Variants in EXT1 observed in about 807,000 individuals in gnomAD.
EXT1 encodes exostosin-1.
A neutral mutation model predicts 82.5 loss-of-function variants in EXT1; 20 were observed. The ratio of observed to expected loss-of-function variants is 0.24; its 90% CI spans 0.17 to 0.35. The LOEUF is 0.35. Ranked by LOEUF, EXT1 falls within the 10% of genes least tolerant of loss-of-function variation. EXT1 has a pLI of 1.00. For synonymous variants in EXT1, 348 were observed against 350.8 expected, an observed-to-expected ratio of 0.99 and a Z score of 0.09; for missense variants, 757 against 936.5, an observed-to-expected ratio of 0.81 and a Z score of 2.50.
At chr8:117,980,677 T>G (rs1815171537) in intron 1 of EXT1, among the ~76,000 whole-genome samples, 1 of 149,814 alleles carries the variant, frequency 6.7e-6, no homozygotes, top group Non-Finnish European at 1.5e-5. Flanking sequence ...GAGGGAAGGT[T>G]TGTTTGTTCG....
intron 1 of EXT1, among the ~76,000 whole-genome samples, chr8:117,925,598 G>T (rs979889107): frequency 5.9e-5 from 9 of 151,306 alleles, no homozygotes; most frequent in African/African-American, 2.2e-4. Flanking sequence ...GCCAGGTGTG[G>T]TGGCTCACAC....
chr8:117,809,218 AAT>A (rs71307404), intron 8 of EXT1, among the ~76,000 whole-genome samples: 24,718 of 107,872 alleles, frequency 0.23, 3,096 homozygotes, highest in African/African-American at 0.29. Context: ...TGTGTGTATA[AAT>A]ATATATATAT....
chr8:118,044,458 A>G (rs1816586954), intron 1 of EXT1, among the ~76,000 whole-genome samples: 1 of 151,614 alleles, frequency 6.6e-6, no homozygotes, highest in Non-Finnish European at 1.5e-5. Flanking sequence ...CCCAGGCTGG[A>G]GTGCAATGGC....
chr8:117,834,768 T>C (rs923175101), intron 3 of EXT1, among the ~76,000 whole-genome samples: 24 of 152,168 alleles, frequency 1.6e-4, no homozygotes, highest in Non-Finnish European at 2.5e-4. Flanking sequence ...ATTAAAGTTC[T>C]AGAATTTTAG....
At chr8:117,980,694 GGTGGTTTTT>G (rs1321403675) in intron 1 of EXT1, among the ~76,000 whole-genome samples, 31 of 123,392 alleles carry the variant, frequency 2.5e-4, no homozygotes, top group African/African-American at 4.5e-4. Context: ...TTCGGGTGTT[GGTGGTTTTT>G]TTTTTTTTTT....
chr8:118,098,784 A>G (rs1817666217), intron 1 of EXT1, among the ~76,000 whole-genome samples: 1 of 150,710 alleles, frequency 6.6e-6, no homozygotes, highest in Non-Finnish European at 1.5e-5. Context: ...AAGAATAGCT[A>G]GCACTACAGG....
chr8:117,928,851 C>T (rs112728351), intron 1 of EXT1, among the ~76,000 whole-genome samples: 26 of 151,754 alleles, frequency 1.7e-4, no homozygotes, highest in Non-Finnish European at 2.5e-4. Context: ...CATTTCCTTA[C>T]GGAGCAAGTA....
chr8:118,037,200 T>C (rs1278947166), intron 1 of EXT1, among the ~76,000 whole-genome samples: 1 of 152,158 alleles, frequency 6.6e-6, no homozygotes, highest in Non-Finnish European at 1.5e-5. Flanking sequence ...AAGTAAAATG[T>C]CTGTGGGAAA....
At chr8:117,800,252 T>A (rs1257388204) in intron 10 of EXT1, among the ~76,000 whole-genome samples, 6 of 152,212 alleles carry the variant, frequency 3.9e-5, no homozygotes, top group Non-Finnish European at 2.9e-5. Flanking sequence ...AGTACTAAGA[T>A]TAAAGATGTG....
chr8:118,091,726 C>G (rs538773208), intron 1 of EXT1, among the ~76,000 whole-genome samples: 5 of 152,134 alleles, frequency 3.3e-5, no homozygotes, highest in Non-Finnish European at 7.3e-5. Context: ...GCCTGGGCGA[C>G]AGAGCGAGAC....
intron 1 of EXT1, among the ~76,000 whole-genome samples, chr8:117,950,605 A>G (rs936581556): frequency 1.3e-5 from 2 of 152,248 alleles, no homozygotes; most frequent in African/African-American, 4.8e-5. Context: ...TCTTCTGCCA[A>G]TATCAGGGTC....
Position 117,794,753 on chromosome 8 carries a change from G to C in EXT1, c.*4959C>G, listed in dbSNP as rs545103207. The C allele has an allele frequency of 1.2e-4, 18 of 152,314 alleles. No individual in the cohort carries two copies. Among genetic ancestry groups the C allele is most frequent in the African/African-American group, 3.6e-4 (15 of 41,576 alleles). The allele number at this position is 152,314 out of a possible 1,614,324, so 9.4% of individuals were successfully genotyped here. ...GGGAAAAACACTTCAGAAAAGACCT[G>C]TGGTGACACTACAAAAACATTGGCA... On this transcript the variant is annotated 3_prime_UTR_variant, in exon 11 of 11. Coordinates refer to ENST00000378204, the MANE Select transcript of EXT1 (RefSeq NM_000127.3).
intron 1 of EXT1, among the ~76,000 whole-genome samples, chr8:118,056,675 TG>T (rs975302394): frequency 2.0e-5 from 3 of 152,192 alleles, no homozygotes; most frequent in African/African-American, 7.2e-5. Flanking sequence ...AGCCTAGTGC[TG>T]GGGGGTCCTC....
rs145028080 is a variant in EXT1, at chr8:118,096,596, A to AAAGG, written c.962+13485_962+13488dup. On this transcript the variant is annotated intron_variant, in intron 1 of 10. Transcript: ENST00000378204. ...GGCGACAGAGCAAGACTCCGTCAAGAAAGGAAGGAAGGAAGGAAGGAAGGA... is the reference window on the plus strand; with the variant it reads ...GGCGACAGAGCAAGACTCCGTCAAGAAAGGAAGGAAGGAAGGAAGGAAGGAAGGA... Among the ~76,000 whole-genome samples, 60 of 119,152 alleles carry AAAGG rather than the reference A, an allele frequency of 5.0e-4. 7 individuals are homozygous for AAAGG. The highest frequency in any genetic ancestry group is 4.3e-3 in the Middle Eastern group (1 of 232). 78.2% of individuals were successfully genotyped at this position (119,152 alleles called of 152,430 possible).
intron 1 of EXT1, among the ~76,000 whole-genome samples, chr8:117,847,606 G>A (rs377134213): frequency 2.0e-5 from 3 of 152,066 alleles, no homozygotes; most frequent in African/African-American, 7.2e-5. Context: ...CCTCCTCATG[G>A]CTTCTGCAAT....
chr8:117,813,775 G>A (rs1055222026), intron 7 of EXT1, among the ~76,000 whole-genome samples: 3 of 152,124 alleles, frequency 2.0e-5, no homozygotes, highest in South Asian at 2.1e-4. Flanking sequence ...GGAGGCTGAG[G>A]TGGGTGGATC....
intron 1 of EXT1, among the ~76,000 whole-genome samples, chr8:118,109,066 T>G (rs765213600): frequency 2.0e-5 from 3 of 152,148 alleles, no homozygotes; most frequent in Non-Finnish European, 4.4e-5. Context: ...ACTAGGAAAC[T>G]GGTCCACCAA....
At chr8:117,856,127 T>C (rs111709825) in intron 1 of EXT1, among the ~76,000 whole-genome samples, 5,287 of 152,230 alleles carry the variant, frequency 0.035, 298 homozygotes, top group African/African-American at 0.12. Context: ...GTTACTCCAG[T>C]GAACACATGA....
Position 117,819,688 on chromosome 8 carries a change from C to T in EXT1, c.1524G>A (p.Gln508=), listed in dbSNP as rs1468056863. ...ACTTCCCGCTCACCTGGGCACAGTACTGGGACTTGGCTGCAGCCACGAGAA... is the reference window on the plus strand; with the variant it reads ...ACTTCCCGCTCACCTGGGCACAGTATTGGGACTTGGCTGCAGCCACGAGAA... ...LKLLVAAAKS[Q]YCAQIIVLWN... is the part of the protein sequence containing the mutation. The change falls in exon 6 of 11, where the codon CAG becomes CAA. Residue 508 remains glutamine (Q), a synonymous_variant. Coordinates refer to ENST00000378204, the MANE Select transcript of EXT1 (RefSeq NM_000127.3). The T allele has an allele frequency of 6.2e-7, 1 of 1,612,488 alleles. No homozygotes were observed. Among genetic ancestry groups the T allele is most frequent in the Admixed American group, 1.7e-5 (1 of 60,012 alleles).
Sources: gnomAD v4.1 joint callset for allele counts (sites outside exome capture counted in the v4.1 genomes callset) on GRCh38, gnomAD v4.1.1 for gene constraint, MANE v1.5 for transcripts, NCBI Gene and HGNC (gene_info 2026-07-23, HGNC 2026-07-21) for gene names.